KDM7A: variants seen among roughly 807,000 people sequenced by gnomAD.
KDM7A encodes lysine-specific demethylase 7A.
Under a neutral mutation model 114.8 loss-of-function variants are expected in KDM7A, and 28 were observed. The observed-to-expected ratio is 0.24, with a 90% confidence interval of 0.18 to 0.33. The LOEUF (loss-of-function observed/expected upper bound fraction) is 0.33. Ranked by LOEUF, KDM7A falls within the 10% of genes least tolerant of loss-of-function variation. The pLI, the probability that KDM7A is intolerant of heterozygous loss-of-function variation, is 1.00. For synonymous variants in KDM7A, 423 were observed against 397.8 expected, an observed-to-expected ratio of 1.06 and a Z score of -0.75; for missense variants, 942 against 1,142.5, an observed-to-expected ratio of 0.82 and a Z score of 2.53.
Position 140,092,530 on chromosome 7 carries a change from G to T in KDM7A, c.2458-453C>A, listed in dbSNP as rs1012819933. 5.3e-5 allele frequency among the ~76,000 whole-genome samples: 8 copies of T among 152,150 alleles called. 1 individual carries two copies. Among genetic ancestry groups the T allele is most frequent in the African/African-American group, 1.9e-4 (8 of 41,422 alleles). ...TTGCTAGGAAATCCTTAGATCCAGA[G>T]TGCCAAGCTTGGTGTTTTCCTTTCA... On this transcript the variant is annotated intron_variant, in intron 18 of 19. Coordinates refer to ENST00000397560, the MANE Select transcript of KDM7A (RefSeq NM_030647.2).
intron 9 of KDM7A, among the ~76,000 whole-genome samples, chr7:140,114,070 A>G (rs1442784865): frequency 6.6e-6 from 1 of 152,244 alleles, no homozygotes; most frequent in African/African-American, 2.4e-5. Flanking sequence ...TCACTAATAA[A>G]GGGTTATTTC....
chr7:140,146,026 A>G (rs1287265206), intron 1 of KDM7A, among the ~76,000 whole-genome samples: 1 of 152,038 alleles, frequency 6.6e-6, no homozygotes, highest in Non-Finnish European at 1.5e-5. Flanking sequence ...ATCCCACCTC[A>G]CCCCATATAA....
chr7:140,097,064 A>G lies in KDM7A; in HGVS notation c.2017-17T>C, dbSNP rs1818127809. On this transcript the variant is annotated splice_polypyrimidine_tract_variant and intron_variant, in intron 15 of 19. Coordinates refer to ENST00000397560, the MANE Select transcript of KDM7A (RefSeq NM_030647.2). ...GATACTTTTCTGAGATGATAATTAC[A>G]TGGAAACAAAGCTACATAAGAAATT... 3 of 1,597,488 alleles carry G rather than the reference A, an allele frequency of 1.9e-6. No individual in the cohort carries two copies. The highest frequency in any genetic ancestry group is 3.4e-5 in the Admixed American group (2 of 58,510).
Position 140,133,613 on chromosome 7 carries a change from A to G in KDM7A, c.324T>C (p.Ile108=), listed in dbSNP as rs1486196462. ...RNWHRHDYTE[I]DDGSKPVQAG... is the part of the protein sequence containing the mutation. ...CTTGCACTGGTTTGGAACCATCATC[A>G]ATTTCTGTGTAGTCATGTCTGTGCC... is the stretch of plus-strand genomic sequence containing the variant. Residue 108 remains isoleucine, a synonymous_variant, in exon 3 of 20, where the codon ATT becomes ATC. Coordinates refer to ENST00000397560, the MANE Select transcript of KDM7A (RefSeq NM_030647.2). The G allele has an allele frequency of 1.9e-6, 3 of 1,612,764 alleles. No homozygotes were observed. Among genetic ancestry groups the G allele is most frequent in the South Asian group, 1.1e-5 (1 of 91,002 alleles).
Position 140,176,800 on chromosome 7 carries a change from G to A in KDM7A, c.138C>T (p.Tyr46=). 2.1e-6 allele frequency: 3 copies of A among 1,416,078 alleles called. No homozygotes were observed. Among genetic ancestry groups the A allele is most frequent in the South Asian group, 1.3e-5 (1 of 77,290 alleles). The allele number at this position is 1,416,078 out of a possible 1,614,324, so 87.7% of individuals were successfully genotyped here. A position where few individuals can be genotyped will look rare whatever the true frequency, so the allele number is the denominator to read the frequency against. ...PPVYCVCRQP[Y]DVNRFMIECD... is the part of the protein sequence containing the mutation. ...ACTCGATCATGAAGCGGTTCACGTC[G>A]TACGGCTGCCGGCACACACAGTACA... Residue 46 remains tyrosine, a synonymous_variant, in exon 1 of 20, where the codon TAC becomes TAT. Transcript: ENST00000397560. The surrounding 1 kb of genome is among the most constrained non-coding windows in gnomAD (Gnocchi z 4.4).
rs760916272 is a variant in KDM7A, at chr7:140,126,636, C to T, written c.888+1G>A. Reference sequence around the variant, plus strand: ...GAGAACAAAAAATACCCCAATCTTACCCAGAGGACATGGTACCAGACTGAA... The same window carrying T: ...GAGAACAAAAAATACCCCAATCTTATCCAGAGGACATGGTACCAGACTGAA... On this transcript the variant is annotated splice_donor_variant, in intron 6 of 19. Transcript: ENST00000397560. LOFTEE classifies it high-confidence loss of function. 1 of 1,593,554 alleles carries T rather than the reference C, an allele frequency of 6.3e-7. No homozygotes were observed. Among genetic ancestry groups the T allele is most frequent in the Non-Finnish European group, 8.5e-7 (1 of 1,169,922 alleles).
chr7:140,094,990 G>A (rs1043250699), intron 17 of KDM7A, among the ~76,000 whole-genome samples: 2 of 152,204 alleles, frequency 1.3e-5, no homozygotes, highest in African/African-American at 4.8e-5. Context: ...TAGGATTACA[G>A]GCATGCGCCA....
chr7:140,147,815 A>G (rs1365970635), intron 1 of KDM7A, among the ~76,000 whole-genome samples: 2 of 152,204 alleles, frequency 1.3e-5, no homozygotes, highest in Admixed American at 1.3e-4. Context: ...GGATAAACAC[A>G]TATCAACTGG....
chr7:140,174,968 G>GAA (rs34222210), intron 1 of KDM7A, among the ~76,000 whole-genome samples: 6 of 151,668 alleles, frequency 4.0e-5, no homozygotes, highest in Non-Finnish European at 8.8e-5. Flanking sequence ...ATAGTTCTTT[G>GAA]AAAAAAAATA....
intron 1 of KDM7A, among the ~76,000 whole-genome samples, chr7:140,167,938 T>G (rs1391283337): frequency 6.6e-6 from 1 of 152,058 alleles, no homozygotes; most frequent in East Asian, 1.9e-4. Flanking sequence ...ACTAAAAGCT[T>G]GATAGAATCA....
chr7:140,111,719 G>A (rs1009957282), intron 10 of KDM7A, among the ~76,000 whole-genome samples: 1 of 152,224 alleles, frequency 6.6e-6, no homozygotes, highest in Non-Finnish European at 1.5e-5. Flanking sequence ...AACACTTTGG[G>A]AGGCCAAGGC....
intron 1 of KDM7A, among the ~76,000 whole-genome samples, chr7:140,167,964 C>A (rs1794596745): frequency 1.3e-5 from 2 of 151,954 alleles, no homozygotes; most frequent in Non-Finnish European, 1.5e-5. Context: ...AAAAATGTAA[C>A]CAGATGATTC....
intron 1 of KDM7A, among the ~76,000 whole-genome samples, chr7:140,147,121 G>A (rs1376591565): frequency 6.6e-6 from 1 of 151,176 alleles, no homozygotes; most frequent in Non-Finnish European, 1.5e-5. Flanking sequence ...ACATTTTACT[G>A]ATACACATTT....
At position 140,091,986 on chromosome 7, in the gene KDM7A, C is replaced by T. The variant is rs752945350; in HGVS notation, c.2549G>A (p.Gly850Asp). The stretch of plus-strand genomic sequence containing the variant: ...ATACTTTCCATTCTGAAGGCTTGAG[C>T]CGCTGCTGTCCACATAATTCCTACT... The part of the protein sequence containing the change: ...VQSRNYVDSS[G>D]SSLQNGKYMQ... Residue 850 changes from glycine (G) to aspartate (D), a missense_variant, in exon 19 of 20, where the codon GGC becomes GAC. Physicochemically the swap from Gly to Asp is moderately conservative, Grantham distance 94 (BLOSUM62 -1). Around this residue, in one of 4 missense-constraint regions of KDM7A, gnomAD observed 512 missense variants for 576.6 expected, o/e 0.89. Coordinates refer to ENST00000397560, the MANE Select transcript of KDM7A (RefSeq NM_030647.2). 21 of 1,613,942 alleles carry T rather than the reference C, an allele frequency of 1.3e-5. No homozygotes were observed. The South Asian group carries it at 2.2e-4, about 17-fold the overall frequency.
At chr7:140,171,565 A>G (rs58853911) in intron 1 of KDM7A, among the ~76,000 whole-genome samples, 4,451 of 114,968 alleles carry the variant, frequency 0.039, 243 homozygotes, top group African/African-American at 0.13. Context: ...TTATTTTTAT[A>G]TATTTATATA....
At position 140,090,416 on chromosome 7, in the gene KDM7A, T is replaced by TGC. The variant is rs1352680360; in HGVS notation, c.*677_*678insGC. 6.6e-6 allele frequency: 1 copy of TGC among 152,210 alleles called. No homozygotes were observed. Among genetic ancestry groups the TGC allele is most frequent in the Non-Finnish European group, 1.5e-5 (1 of 68,036 alleles). 9.4% of individuals were successfully genotyped at this position (152,210 alleles called of 1,614,324 possible). ...TGGGATATAAGGTAATCAACCTGGATAACAGTATGCACCTTGGATGTTAGC... is the reference window on the plus strand; with the variant it reads ...TGGGATATAAGGTAATCAACCTGGATGCAACAGTATGCACCTTGGATGTTAGC... On this transcript the variant is annotated 3_prime_UTR_variant, in exon 20 of 20. Coordinates refer to ENST00000397560, the MANE Select transcript of KDM7A (RefSeq NM_030647.2).
At chr7:140,139,678 C>CA (rs777971613) in intron 1 of KDM7A, among the ~76,000 whole-genome samples, 3 of 151,550 alleles carry the variant, frequency 2.0e-5, no homozygotes, top group East Asian at 1.9e-4. Context: ...AAAGAATAGA[C>CA]AAAAAAACCT....
intron 11 of KDM7A, among the ~76,000 whole-genome samples, chr7:140,103,604 T>C (rs2116757344): frequency 6.6e-6 from 1 of 152,312 alleles, no homozygotes; most frequent in South Asian, 2.1e-4. Context: ...GAATGATGGC[T>C]TCCAGTTTCA....
intron 7 of KDM7A, among the ~76,000 whole-genome samples, chr7:140,121,279 A>G (rs1385116152): frequency 6.6e-6 from 1 of 152,266 alleles, no homozygotes; most frequent in Non-Finnish European, 1.5e-5. Flanking sequence ...TTTTGAAAAA[A>G]ATGTTGGCAG....
Sources: allele counts gnomAD v4.1 joint callset (sites outside exome capture counted in the v4.1 genomes callset), GRCh38; gene constraint gnomAD v4.1.1; regional missense constraint gnomAD v4.1.1; non-coding constraint Gnocchi (gnomAD v3.1); transcripts MANE v1.5; gene names NCBI Gene and HGNC (gene_info 2026-07-23, HGNC 2026-07-21).